The following CHDH variants were observed in gnomAD, a reference collection of about 807,000 sequenced individuals.
CHDH encodes the protein choline dehydrogenase, mitochondrial.
In CHDH, 43 loss-of-function variants were observed where a neutral mutation model predicts 56.9. That is an observed-to-expected ratio of 0.76 (90% CI 0.59 to 0.97). CHDH has a LOEUF of 0.97. Ranked by LOEUF, CHDH falls within the 50% of genes least tolerant of loss-of-function variation. The pLI, the probability that CHDH is intolerant of heterozygous loss-of-function variation, is 0.00. For synonymous variants in CHDH, 364 were observed against 348.5 expected, an observed-to-expected ratio of 1.04 and a Z score of -0.50; for missense variants, 816 against 821.1, an observed-to-expected ratio of 0.99 and a Z score of 0.08.
At chr3:53,835,630 C>T (rs2106978758) in intron 2 of CHDH, among the ~76,000 whole-genome samples, 1 of 152,322 alleles carries the variant, frequency 6.6e-6, no homozygotes, top group South Asian at 2.1e-4. Flanking sequence ...GAACAAGATT[C>T]CCTACATGCT....
Position 53,846,410 on chromosome 3 carries a change from A to AGCAG in CHDH, c.-462_-459dup. ...GACACGGCCCATCCCTCCGAGCCCCAGCAGGCGAGGGCGCTGCGACCTGCC... is the reference window on the plus strand; with the variant it reads ...GACACGGCCCATCCCTCCGAGCCCCAGCAGGCAGGCGAGGGCGCTGCGACCTGCC... On this transcript the variant is annotated 5_prime_UTR_variant, in exon 1 of 9. Coordinates refer to ENST00000315251, the MANE Select transcript of CHDH (RefSeq NM_018397.5). 1.7e-6 allele frequency: 1 copy of AGCAG among 586,586 alleles called. No individual in the cohort carries two copies. The highest frequency in any genetic ancestry group is 2.5e-5 in the South Asian group (1 of 40,608). The allele number at this position is 586,586 out of a possible 1,614,324, so 36.3% of individuals were successfully genotyped here. A position where few individuals can be genotyped will look rare whatever the true frequency, so the allele number is the denominator to read the frequency against.
In CHDH at chr3:53,820,845, C is replaced by T. The variant is rs537652260; in HGVS notation, c.986-237G>A. 2.6e-5 allele frequency among the ~76,000 whole-genome samples: 4 copies of T among 152,372 alleles called. No homozygotes were observed. The East Asian group carries it at 5.8e-4, about 22-fold the overall frequency. On this transcript the variant is annotated intron_variant, in intron 5 of 8. Coordinates refer to ENST00000315251, the MANE Select transcript of CHDH (RefSeq NM_018397.5). ...CACCTGTCCTTGTCACTCACTCCTA[C>T]GGCAGCCTCTGGGTGCCCCTTGTCA...
rs753975802 is a variant in CHDH at position 53,820,495 on chromosome 3, CCAGACCAATG to C, written c.1089_1098del (p.Cys363TrpfsTer42). On this transcript the variant is annotated frameshift_variant, in exon 6 of 9. Coordinates refer to ENST00000315251, the MANE Select transcript of CHDH (RefSeq NM_018397.5). LOFTEE classifies it high-confidence loss of function. ...TCACCTGTGAATTTCCAGAGCCACT[CCAGACCAATG>C]CAGACCTTCCGCAGGGGCTTCTGTG... 3.7e-5 allele frequency: 60 copies of C among 1,613,434 alleles called. No individual in the cohort carries two copies. The highest frequency in any genetic ancestry group is 5.0e-5 in the Non-Finnish European group (59 of 1,179,600).
intron 2 of CHDH, among the ~76,000 whole-genome samples, chr3:53,829,573 A>G (rs190438851): frequency 6.6e-6 from 1 of 152,336 alleles, no homozygotes; most frequent in East Asian, 1.9e-4. Flanking sequence ...TTTTAAAACT[A>G]TAATAGAGCC....
intron 2 of CHDH, among the ~76,000 whole-genome samples, chr3:53,833,067 T>A (rs939831182): frequency 2.6e-5 from 4 of 152,220 alleles, no homozygotes; most frequent in Admixed American, 1.3e-4. Context: ...TTTGCACCAA[T>A]CACATTTTAT....
intron 8 of CHDH, 134 bp from the exon 9 acceptor site, chr3:53,818,329 G>A: frequency 1.3e-6 from 1 of 787,800 alleles, no homozygotes; most frequent in South Asian, 1.9e-5. Context: ...GGGCCATGGG[G>A]GACTGAGCCA....
chr3:53,833,089 G>C (rs765320075), intron 2 of CHDH, among the ~76,000 whole-genome samples: 15 of 152,224 alleles, frequency 9.9e-5, no homozygotes, highest in Non-Finnish European at 1.9e-4. Context: ...TCTTGATCTA[G>C]ATGACAGGCA....
At chr3:53,833,315 T>G (rs1171114529) in intron 2 of CHDH, among the ~76,000 whole-genome samples, 1 of 152,220 alleles carries the variant, frequency 6.6e-6, no homozygotes, top group Non-Finnish European at 1.5e-5. Flanking sequence ...ATCACAACTC[T>G]GCTCCAACAC....
chr3:53,846,250 C>T lies in CHDH; in HGVS notation c.-298G>A, dbSNP rs1698881266. Reference sequence around the variant, plus strand: ...AGTTCCGACCCGGTCGGCCCCGGAGCCGCGAGGCTAGCTGGGCTCCAGCGG... The same window carrying T: ...AGTTCCGACCCGGTCGGCCCCGGAGTCGCGAGGCTAGCTGGGCTCCAGCGG... On this transcript the variant is annotated 5_prime_UTR_variant, in exon 1 of 9. Transcript: ENST00000315251. The T allele has an allele frequency of 4.4e-5, 12 of 273,844 alleles. No individual in the cohort carries two copies. The South Asian group carries it at 1.3e-3, about 30-fold the overall frequency. The allele number at this position is 273,844 out of a possible 1,614,324, so 17.0% of individuals were successfully genotyped here. A position where few individuals can be genotyped will look rare whatever the true frequency, so the allele number is the denominator to read the frequency against.
intron 3 of CHDH, 104 bp downstream of exon 3, chr3:53,823,202 C>G: frequency 1.8e-6 from 2 of 1,082,892 alleles, no homozygotes; most frequent in Non-Finnish European, 2.6e-6. Context: ...TCTGCCCATG[C>G]CTCCTGACCA....
intron 8 of CHDH, among the ~76,000 whole-genome samples, chr3:53,818,444 G>A (rs1307936030): frequency 1.3e-5 from 2 of 152,148 alleles, no homozygotes; most frequent in Admixed American, 1.3e-4. Flanking sequence ...TTTAAATCAG[G>A]GATCTGACTT....
chr3:53,829,991 C>T (rs1010382922), intron 2 of CHDH, among the ~76,000 whole-genome samples: 1 of 152,112 alleles, frequency 6.6e-6, no homozygotes, highest in Non-Finnish European at 1.5e-5. Context: ...ATAACACTTA[C>T]AAGAGCACCA....
In CHDH at chr3:53,823,562, G is replaced by C. The variant is rs1054687125; in HGVS notation, c.447C>G (p.Arg149=). The C allele has an allele frequency of 1.9e-6, 3 of 1,543,018 alleles. No homozygotes were observed. The highest frequency in any genetic ancestry group is 2.7e-5 in the African/African-American group (2 of 72,948). The change falls in exon 3 of 9, where the codon CGC becomes CGG. Residue 149 remains arginine, a synonymous_variant. Transcript: ENST00000315251. ...YVRGHAEDYE[R]WQRQGARGWD... ...AGCCGCGGGCGCCCTGGCGCTGCCAGCGCTCGTAGTCCTCGGCGTGCCCAC... is the reference window on the plus strand; with the variant it reads ...AGCCGCGGGCGCCCTGGCGCTGCCACCGCTCGTAGTCCTCGGCGTGCCCAC...
At chr3:53,840,167 T>C (rs1421125441) in intron 2 of CHDH, among the ~76,000 whole-genome samples, 1 of 152,144 alleles carries the variant, frequency 6.6e-6, no homozygotes, top group Non-Finnish European at 1.5e-5. Flanking sequence ...GTCAGTATGG[T>C]GACTGTAGTT....
intron 1 of CHDH, among the ~76,000 whole-genome samples, chr3:53,841,266 C>A (rs1236998275): frequency 6.6e-6 from 1 of 152,182 alleles, no homozygotes; most frequent in Non-Finnish European, 1.5e-5. Flanking sequence ...CCCCTGCAGA[C>A]CCCAAATCCA....
chr3:53,821,757 ACCT>A lies in CHDH; in HGVS notation c.872_874del (p.Glu291del). On this transcript the variant is annotated inframe_deletion, in exon 5 of 9. Transcript: ENST00000315251. ...GTTGATGGCACCTCCACTCAGAATC[ACCT>A]CCTTGCTGGCATAAGCCTGGAAGAG... is the stretch of plus-strand genomic sequence containing the variant. The A allele has an allele frequency of 1.9e-6, 3 of 1,613,478 alleles. No homozygotes were observed. The highest frequency in any genetic ancestry group is 2.5e-6 in the Non-Finnish European group (3 of 1,179,788).
chr3:53,825,803 C>A (rs1420752832), intron 2 of CHDH, among the ~76,000 whole-genome samples: 2 of 151,794 alleles, frequency 1.3e-5, no homozygotes, highest in Non-Finnish European at 2.9e-5. Context: ...GCTGAAACTT[C>A]AAAATAAAGA....
intron 2 of CHDH, among the ~76,000 whole-genome samples, chr3:53,826,315 TA>T (rs59355780): frequency 0.18 from 25,133 of 139,746 alleles, 3,027 homozygotes; most frequent in African/African-American, 0.33. Context: ...GACATTACAA[TA>T]AAAAAAAAAA....
chr3:53,846,253 C>T lies in CHDH; in HGVS notation c.-301G>A, dbSNP rs965445869. On this transcript the variant is annotated 5_prime_UTR_variant, in exon 1 of 9. Coordinates refer to ENST00000315251, the MANE Select transcript of CHDH (RefSeq NM_018397.5). ...TCCGACCCGGTCGGCCCCGGAGCCG[C>T]GAGGCTAGCTGGGCTCCAGCGGAGG... is the stretch of plus-strand genomic sequence containing the variant. 7.2e-6 allele frequency: 2 copies of T among 279,066 alleles called. No homozygotes were observed. Among genetic ancestry groups the T allele is most frequent in the Non-Finnish European group, 1.3e-5 (2 of 150,804 alleles). The allele number at this position is 279,066 out of a possible 1,614,324, so 17.3% of individuals were successfully genotyped here.
Sources: gnomAD v4.1 joint callset for allele counts (sites outside exome capture counted in the v4.1 genomes callset) on GRCh38, gnomAD v4.1.1 for gene constraint, MANE v1.5 for transcripts, NCBI Gene and HGNC (gene_info 2026-07-23, HGNC 2026-07-21) for gene names.